MACF1: variants seen among roughly 807,000 people sequenced by gnomAD.
MACF1 encodes microtubule actin crosslinking factor 1.
MACF1 carries 193 observed loss-of-function variants against 854.8 expected under a neutral mutation model. The observed-to-expected ratio is 0.23, with a 90% confidence interval of 0.20 to 0.25. The LOEUF is 0.25. MACF1 is among the 10% of genes least tolerant of loss of function. The pLI is 1.00. For synonymous variants in MACF1, 3,185 were observed against 3,226.7 expected (o/e 0.99, Z 0.44); for missense variants, 7,722 against 8,929.1 (o/e 0.86, Z 5.45).
chr1:39,226,907 G>A (rs1644723164), intron 1 of MACF1, among the ~76,000 whole-genome samples: 3 of 152,140 alleles, frequency 2.0e-5, no homozygotes, highest in Admixed American at 2.0e-4. Flanking sequence ...ATTAGAATCA[G>A]ACTGTTTTTG....
chr1:39,310,826 C>T lies in MACF1; in HGVS notation c.3101-5C>T. 1 of 1,603,632 alleles carries T rather than the reference C, an allele frequency of 6.2e-7. No homozygotes were observed. Among genetic ancestry groups the T allele is most frequent in the Admixed American group, 1.7e-5 (1 of 58,368 alleles). On this transcript the variant is annotated splice_region_variant and splice_polypyrimidine_tract_variant and intron_variant, in intron 25 of 100. Transcript: ENST00000564288. ...TACTGGTCTTTTGTGTTTGTTCATT[C>T]ACAGAGGACAAAGAGGAGACTGTGG... is the stretch of plus-strand genomic sequence containing the variant.
chr1:39,211,805 C>G (rs538546938), intron 1 of MACF1, among the ~76,000 whole-genome samples: 2 of 151,926 alleles, frequency 1.3e-5, no homozygotes, highest in South Asian at 4.1e-4. Flanking sequence ...CGCTTGAACC[C>G]GAGAGGCAGA....
chr1:39,257,333 C>T lies in MACF1; in HGVS notation c.436-603C>T, dbSNP rs556949438. ...TTTCTTTTTTTTTGAGACGGAGTCT[C>T]ACTCTGTCGCCCAGGCTGGAGTGCA... On this transcript the variant is annotated intron_variant, in intron 5 of 100. Coordinates refer to ENST00000564288, the MANE Select transcript of MACF1 (RefSeq NM_001394062.1). Among the ~76,000 whole-genome samples, 16 of 151,660 alleles carry T rather than the reference C, an allele frequency of 1.1e-4. No individual in the cohort carries two copies. In the South Asian group the frequency reaches 3.1e-3, roughly 30 times the overall value.
chr1:39,365,903 TGA>T (rs1648665634), intron 49 of MACF1, among the ~76,000 whole-genome samples: 1 of 152,150 alleles, frequency 6.6e-6, no homozygotes, highest in Admixed American at 6.5e-5. Context: ...CTCGAACTCC[TGA>T]CCTCAAGTAA....
At chr1:39,298,591 A>AT (rs1027830307) in intron 21 of MACF1, 17 of 419,708 alleles carry the variant, frequency 4.1e-5, no homozygotes, top group East Asian at 7.1e-5. Flanking sequence ...AAAACAGTTC[A>AT]TTTTTTTTGT....
intron 4 of MACF1, among the ~76,000 whole-genome samples, chr1:39,252,388 T>A (rs1296232920): frequency 6.6e-6 from 1 of 152,204 alleles, no homozygotes; most frequent in Non-Finnish European, 1.5e-5. Flanking sequence ...CCCCGTCATT[T>A]GTTTTCAAAA....
chr1:39,093,346 G>C (rs1388253085), intron 2 of MACF1, among the ~76,000 whole-genome samples: 9 of 94,108 alleles, frequency 9.6e-5, no homozygotes, highest in Admixed American at 1.7e-4. Context: ...ATGATGTCTT[G>C]CTCTTGTTGC....
intron 2 of MACF1, among the ~76,000 whole-genome samples, chr1:39,126,554 A>G (rs949514802): frequency 4.6e-5 from 7 of 151,848 alleles, no homozygotes; most frequent in African/African-American, 1.7e-4. Context: ...TTGGGAGGCC[A>G]AGGCATGTGG....
intron 52 of MACF1, among the ~76,000 whole-genome samples, chr1:39,375,486 A>G (rs1649643856): frequency 1.3e-5 from 2 of 152,154 alleles, no homozygotes; most frequent in South Asian, 4.1e-4. Context: ...TATTTTTAGT[A>G]GAGACAGGGT....
At chr1:39,241,659 C>CAAAAAA (rs35678466) in intron 2 of MACF1, among the ~76,000 whole-genome samples, 10 of 51,460 alleles carry the variant, frequency 1.9e-4, no homozygotes, top group South Asian at 1.8e-3. Flanking sequence ...GACTCCATCT[C>CAAAAAA]AAAAAAAAAA....
Position 39,333,017 on chromosome 1 carries a change from G to T in MACF1, c.6429G>T (p.Pro2143=). 1 of 1,614,092 alleles carries T rather than the reference G, an allele frequency of 6.2e-7. No homozygotes were observed. The highest frequency in any genetic ancestry group is 1.1e-5 in the South Asian group (1 of 91,058). The change falls in exon 37 of 101, where the codon CCG becomes CCT. Residue 2143 remains proline (P), a synonymous_variant. Transcript: ENST00000564288. ...CTCCTGCTGAGGCGGAAGGTGTGCCGTTGGTGGTTGACAAAGATGTTTTTT... is the reference window on the plus strand; with the variant it reads ...CTCCTGCTGAGGCGGAAGGTGTGCCTTTGGTGGTTGACAAAGATGTTTTTT... ...TIPPAEAEGV[P]LVVDKDVFSV...
At chr1:39,281,264 A>G (rs1481548912) in intron 6 of MACF1, among the ~76,000 whole-genome samples, 1 of 152,186 alleles carries the variant, frequency 6.6e-6, no homozygotes, top group African/African-American at 2.4e-5. Context: ...AGAGGTAACT[A>G]TGATTATTAG....
intron 87 of MACF1, 133 bp from the exon 88 acceptor site, chr1:39,453,574 A>G: frequency 6.9e-6 from 5 of 721,120 alleles, no homozygotes; most frequent in Non-Finnish European, 1.2e-5. Context: ...AAATAACTAT[A>G]CAGGCTTTTA....
chr1:39,392,805 G>GATT (rs1453053877), intron 58 of MACF1, among the ~76,000 whole-genome samples: 1 of 152,180 alleles, frequency 6.6e-6, no homozygotes, highest in African/African-American at 2.4e-5. Flanking sequence ...GCTTCTGAAT[G>GATT]ATTAGTAGGT....
chr1:39,176,125 A>AAAAAAAAAAAAAAAAAAAAAAAAAC (rs1383173102), intron 2 of MACF1, among the ~76,000 whole-genome samples: 1 of 132,008 alleles, frequency 7.6e-6, no homozygotes, highest in East Asian at 2.3e-4. Flanking sequence ...AAAAAAAAAA[A>AAAAAAAAAAAAAAAAAAAAAAAAAC]AAGCCAGGTG....
In MACF1 at chr1:39,322,686, C is replaced by T; in HGVS notation, c.4108C>T (p.Leu1370Phe). 1 of 1,614,138 alleles carries T rather than the reference C, an allele frequency of 6.2e-7. No individual in the cohort carries two copies. The highest frequency in any genetic ancestry group is 8.5e-7 in the Non-Finnish European group (1 of 1,180,002). Residue 1370 changes from leucine (L) to phenylalanine (F), a missense_variant, in exon 32 of 101, where the codon CTT (leucine) becomes TTT (phenylalanine). Physicochemically the swap from Leu to Phe is conservative, Grantham distance 22. Transcript: ENST00000564288. Reference sequence around the variant, plus strand: ...ATCCCCTGGCAAGCGCCGTCGCATGCTTTCCTCTTCAGATGCCATCACTCA... The same window carrying T: ...ATCCCCTGGCAAGCGCCGTCGCATGTTTTCCTCTTCAGATGCCATCACTCA... ...QKSPGKRRRMLSSSDAITQEF... is the reference protein window; with the variant it reads ...QKSPGKRRRMFSSSDAITQEF...
At chr1:39,185,150 G>A (rs954399353) in intron 2 of MACF1, among the ~76,000 whole-genome samples, 4 of 152,038 alleles carry the variant, frequency 2.6e-5, no homozygotes, top group Non-Finnish European at 4.4e-5. Context: ...AAATTAGCTG[G>A]GCGTGGTGGC....
chr1:39,313,072 A>C (rs997736367), intron 26 of MACF1, among the ~76,000 whole-genome samples: 13 of 151,740 alleles, frequency 8.6e-5, no homozygotes, highest in African/African-American at 3.1e-4. Flanking sequence ...TGACCTTAAC[A>C]TTTTTTTTAT....
chr1:39,254,147 C>G, intron 4 of MACF1, 151 bp from the exon 5 acceptor site: 1 of 652,370 alleles, frequency 1.5e-6, no homozygotes, highest in South Asian at 1.8e-5. Flanking sequence ...CAGGCCTGGT[C>G]TTAGGGGGTG....
Sources: allele counts gnomAD v4.1 joint callset (sites outside exome capture counted in the v4.1 genomes callset), GRCh38; gene constraint gnomAD v4.1.1; transcripts MANE v1.5; gene names NCBI Gene and HGNC (gene_info 2026-07-23, HGNC 2026-07-21).